The following CPE variants were observed in gnomAD, a reference collection of about 807,000 sequenced individuals.
CPE encodes carboxypeptidase E.
A neutral mutation model predicts 53.5 loss-of-function variants in CPE; 17 were observed. The ratio of observed to expected loss-of-function variants is 0.32; its 90% CI spans 0.22 to 0.48. The LOEUF (loss-of-function observed/expected upper bound fraction) is 0.48, where lower values mean the gene tolerates loss of function less well. Ranked by LOEUF, CPE falls within the 20% of genes least tolerant of loss-of-function variation. CPE has a pLI of 0.99. For missense variants in CPE, 524 were observed against 614.7 expected (o/e 0.85, Z 1.56); for synonymous variants, 226 against 228.8 (o/e 0.99, Z 0.11).
At position 165,485,834 on chromosome 4, in the gene CPE, T is replaced by C. The variant is rs149309442; in HGVS notation, c.973+1230T>C. ...CTGTATATAGTGAATAACATTCATG[T>C]CTTAGGTCAGGTTTTCTAGAAGCAG... On this transcript the variant is annotated intron_variant, in intron 5 of 8. Coordinates refer to ENST00000402744, the MANE Select transcript of CPE (RefSeq NM_001873.4). Among the ~76,000 whole-genome samples, 35 of 152,324 alleles carry C rather than the reference T, an allele frequency of 2.3e-4. No individual in the cohort carries two copies. The East Asian group carries it at 6.6e-3, about 29-fold the overall frequency.
chr4:165,445,288 GT>G (rs11296419), intron 1 of CPE, among the ~76,000 whole-genome samples: 28,453 of 147,294 alleles, frequency 0.19, 2,958 homozygotes, highest in African/African-American at 0.3. Flanking sequence ...CCCTTTTTTT[GT>G]TTTTTTTTTC....
chr4:165,416,205 T>A (rs1313051685), intron 1 of CPE, among the ~76,000 whole-genome samples: 2 of 152,054 alleles, frequency 1.3e-5, no homozygotes, highest in African/African-American at 4.8e-5. Context: ...TTAATAAAGT[T>A]ACACACGATC....
At chr4:165,437,839 A>G (rs1273516175) in intron 1 of CPE, among the ~76,000 whole-genome samples, 1 of 152,068 alleles carries the variant, frequency 6.6e-6, no homozygotes, top group Non-Finnish European at 1.5e-5. Flanking sequence ...GTAGAAGGGG[A>G]GGCATCTAGG....
chr4:165,458,705 C>T (rs1731944507), intron 1 of CPE, among the ~76,000 whole-genome samples: 1 of 152,112 alleles, frequency 6.6e-6, no homozygotes, highest in Non-Finnish European at 1.5e-5. Context: ...CTGTTTTCTT[C>T]CTATAGAAAG....
intron 1 of CPE, chr4:165,405,501 CT>C: frequency 8.5e-6 from 8 of 940,346 alleles, no homozygotes; most frequent in Non-Finnish European, 1.4e-5. Flanking sequence ...CGCTTTCACA[CT>C]TTTTCTTCCA....
chr4:165,479,149 A>C (rs183917340), intron 3 of CPE, among the ~76,000 whole-genome samples: 2 of 152,202 alleles, frequency 1.3e-5, no homozygotes, highest in African/African-American at 4.8e-5. Flanking sequence ...TGTTAAACTC[A>C]TCTCATATAA....
intron 6 of CPE, among the ~76,000 whole-genome samples, chr4:165,492,028 AC>A (rs1732615140): frequency 6.6e-6 from 1 of 152,188 alleles, no homozygotes; most frequent in Admixed American, 6.5e-5. Context: ...TTTCTTAAAG[AC>A]CTGAAGCGAC....
At chr4:165,469,893 G>A (rs973026555) in intron 3 of CPE, among the ~76,000 whole-genome samples, 7 of 152,160 alleles carry the variant, frequency 4.6e-5, no homozygotes, top group African/African-American at 1.7e-4. Flanking sequence ...CATGGGGTTG[G>A]GATGCTGGAT....
chr4:165,462,961 A>G (rs1732035162), intron 1 of CPE, among the ~76,000 whole-genome samples: 1 of 152,230 alleles, frequency 6.6e-6, no homozygotes, highest in African/African-American at 2.4e-5. Flanking sequence ...TTGCTTTCTT[A>G]TACCAAGAAC....
Position 165,497,515 on chromosome 4 carries a change from G to T in CPE, c.1336G>T (p.Asp446Tyr). The change falls in exon 9 of 9, where the codon GAT (aspartate) becomes TAT (tyrosine). Residue 446 changes from aspartate to tyrosine, a missense_variant. Asp to Tyr is a radical substitution (Grantham distance 160). Coordinates refer to ENST00000402744, the MANE Select transcript of CPE (RefSeq NM_001873.4). The stretch of plus-strand genomic sequence containing the variant: ...TGTTCTTGATTTTCTCTTTTAGGTT[G>T]ATTTTGAACTGGAGTCATTTTCTGA... Reference protein sequence around the residue: ...AVPYSPAAGVDFELESFSERK... With the variant: ...AVPYSPAAGVYFELESFSERK... The T allele has an allele frequency of 6.5e-7, 1 of 1,539,584 alleles. No individual in the cohort carries two copies. The highest frequency in any genetic ancestry group is 8.7e-7 in the Non-Finnish European group (1 of 1,144,622).
intron 1 of CPE, among the ~76,000 whole-genome samples, chr4:165,408,012 CTTA>C (rs1271877161): frequency 1.3e-5 from 2 of 152,034 alleles, no homozygotes. Flanking sequence ...GGCAATTTAT[CTTA>C]TTATTGTTGA....
chr4:165,383,481 T>G (rs1040603876), intron 1 of CPE, among the ~76,000 whole-genome samples: 3 of 152,234 alleles, frequency 2.0e-5, no homozygotes, highest in Non-Finnish European at 4.4e-5. Context: ...TTAATTTGCT[T>G]AAAACACTAT....
chr4:165,460,578 G>A (rs576738572), intron 1 of CPE, among the ~76,000 whole-genome samples: 80 of 152,116 alleles, frequency 5.3e-4, no homozygotes, highest in Non-Finnish European at 8.4e-4. Flanking sequence ...CCTTGAAGCT[G>A]CCTCAAGCCC....
intron 1 of CPE, among the ~76,000 whole-genome samples, chr4:165,415,873 A>AGAAC (rs1553972404): frequency 1.3e-5 from 2 of 151,678 alleles, no homozygotes; most frequent in East Asian, 3.9e-4. Context: ...GTAACATGGG[A>AGAAC]GAATGTAAGT....
intron 1 of CPE, among the ~76,000 whole-genome samples, chr4:165,430,399 T>A (rs879602901): frequency 2.6e-5 from 4 of 152,220 alleles, no homozygotes; most frequent in Admixed American, 2.0e-4. Flanking sequence ...TGTAAGTGCT[T>A]GTGTGGGATT....
chr4:165,397,995 T>TG (rs768768355), intron 1 of CPE, among the ~76,000 whole-genome samples: 12 of 139,064 alleles, frequency 8.6e-5, no homozygotes, highest in Non-Finnish European at 1.7e-4. Flanking sequence ...GAGGCTGCAG[T>TG]GGGCTATGAT....
intron 3 of CPE, among the ~76,000 whole-genome samples, chr4:165,476,012 G>A (rs1281706918): frequency 6.6e-6 from 1 of 152,176 alleles, no homozygotes; most frequent in Non-Finnish European, 1.5e-5. Context: ...ACATATCCAA[G>A]TCATGTGGCA....
intron 8 of CPE, 123 bp from the exon 9 acceptor site, chr4:165,497,389 C>T (rs570592172): frequency 9.6e-4 from 432 of 449,120 alleles, no homozygotes; most frequent in Admixed American, 2.3e-3. Context: ...GATTTTATTT[C>T]AGGATTTACT....
intron 1 of CPE, among the ~76,000 whole-genome samples, chr4:165,411,238 G>A (rs995921532): frequency 2.0e-5 from 3 of 152,064 alleles, no homozygotes; most frequent in South Asian, 2.1e-4. Flanking sequence ...TTTTTTAGTC[G>A]CCTAAGAGAG....
Sources: gnomAD v4.1 joint callset for allele counts (sites outside exome capture counted in the v4.1 genomes callset) on GRCh38, gnomAD v4.1.1 for gene constraint, MANE v1.5 for transcripts, NCBI Gene and HGNC (gene_info 2026-07-23, HGNC 2026-07-21) for gene names.